Variants in GFRA1 observed in about 807,000 individuals in gnomAD.
GFRA1 encodes GDNF family receptor alpha-1.
GFRA1 carries 16 observed loss-of-function variants against 51.6 expected under a neutral mutation model. That is an observed-to-expected ratio of 0.31 (90% CI 0.21 to 0.47). GFRA1 has a LOEUF of 0.47. Ranked by LOEUF, GFRA1 falls within the 20% of genes least tolerant of loss-of-function variation. The pLI is 1.00. For synonymous variants in GFRA1, 270 were observed against 241.3 expected (o/e 1.12, Z -1.10); for missense variants, 530 against 594.3 (o/e 0.89, Z 1.13).
intron 4 of GFRA1, among the ~76,000 whole-genome samples, chr10:116,250,088 G>C (rs939328208): frequency 6.6e-6 from 1 of 152,204 alleles, no homozygotes; most frequent in Non-Finnish European, 1.5e-5. Flanking sequence ...CAGAACAAGA[G>C]AGATGTGTGT....
chr10:116,230,629 A>G (rs1203755240), intron 4 of GFRA1, among the ~76,000 whole-genome samples: 1 of 152,132 alleles, frequency 6.6e-6, no homozygotes, highest in African/African-American at 2.4e-5. Flanking sequence ...CTCTGAAAGT[A>G]TTTATTGAGC....
chr10:116,238,275 A>G (rs1177469028), intron 4 of GFRA1, among the ~76,000 whole-genome samples: 4 of 152,188 alleles, frequency 2.6e-5, no homozygotes, highest in Non-Finnish European at 5.9e-5. Flanking sequence ...GCCGCCTGCC[A>G]GGTAACCTCC....
chr10:116,143,332 A>AT (rs1958654332), intron 5 of GFRA1, among the ~76,000 whole-genome samples: 3 of 110,576 alleles, frequency 2.7e-5, no homozygotes, highest in Admixed American at 2.2e-4. Flanking sequence ...TTTTTTTTTA[A>AT]TTAAAAAAAA....
intron 5 of GFRA1, among the ~76,000 whole-genome samples, chr10:116,147,238 G>A (rs974295678): frequency 2.0e-5 from 3 of 152,140 alleles, no homozygotes; most frequent in Non-Finnish European, 4.4e-5. Context: ...CTTGTGTCCC[G>A]AAATCTCCTG....
chr10:116,076,145 C>CAT (rs747686525), intron 9 of GFRA1, among the ~76,000 whole-genome samples: 68 of 152,114 alleles, frequency 4.5e-4, no homozygotes, highest in Non-Finnish European at 5.1e-4. Context: ...CTGTCCACTA[C>CAT]ATAGTACTAA....
At chr10:116,186,854 C>T (rs914012978) in intron 5 of GFRA1, among the ~76,000 whole-genome samples, 2 of 152,158 alleles carry the variant, frequency 1.3e-5, no homozygotes, top group African/African-American at 4.8e-5. Context: ...ATTCATACCC[C>T]GGCCCTTGCG....
At chr10:116,110,385 C>T (rs1227416519) in intron 6 of GFRA1, among the ~76,000 whole-genome samples, 1 of 152,110 alleles carries the variant, frequency 6.6e-6, no homozygotes, top group South Asian at 2.1e-4. Flanking sequence ...AAGAAACACG[C>T]CTGCAGGGCA....
intron 4 of GFRA1, among the ~76,000 whole-genome samples, chr10:116,250,014 CTAAGT>C (rs1324010225): frequency 2.0e-5 from 3 of 152,052 alleles, no homozygotes; most frequent in Admixed American, 6.6e-5. Flanking sequence ...GAGGAGCCAG[CTAAGT>C]TAAGATCATA....
At position 116,089,772 on chromosome 10, in the gene GFRA1, G is replaced by A. The variant is rs148314953; in HGVS notation, c.1166C>T (p.Thr389Ile). Reference sequence around the variant, plus strand: ...ATTTGCACACGGTGGCAAAACATGAGTGGGAATTTCATTCTCAGACCCTGC... The same window carrying A: ...ATTTGCACACGGTGGCAAAACATGAATGGGAATTTCATTCTCAGACCCTGC... ...GPAGSENEIP[T>I]HVLPPCANLQ... Residue 389 changes from threonine (T) to isoleucine (I), a missense_variant, in exon 9 of 11, where the codon ACT (threonine) becomes ATT (isoleucine). Transcript: ENST00000355422. 51 of 1,614,060 alleles carry A rather than the reference G, an allele frequency of 3.2e-5. No individual in the cohort carries two copies. The highest frequency in any genetic ancestry group is 4.0e-5 in the Non-Finnish European group (47 of 1,180,026).
chr10:116,158,224 G>A (rs560849845), intron 5 of GFRA1, among the ~76,000 whole-genome samples: 19 of 152,320 alleles, frequency 1.2e-4, no homozygotes, highest in African/African-American at 4.6e-4. Flanking sequence ...TGGTTGGTAA[G>A]CTGCCCAGAA....
chr10:116,199,779 T>C (rs1380614363), intron 5 of GFRA1, among the ~76,000 whole-genome samples: 2 of 152,194 alleles, frequency 1.3e-5, no homozygotes, highest in African/African-American at 4.8e-5. Context: ...GTATATTCGC[T>C]GAGTTTTGAC....
rs1954727351 is a variant in GFRA1 at position 116,060,016 on chromosome 10, T to C, written c.*4382A>G. The C allele has an allele frequency of 6.6e-6, 1 of 152,126 alleles. No homozygotes were observed. The highest frequency in any genetic ancestry group is 6.5e-5 in the Admixed American group (1 of 15,278). The allele number at this position is 152,126 out of a possible 1,614,324, so 9.4% of individuals were successfully genotyped here. On this transcript the variant is annotated 3_prime_UTR_variant, in exon 11 of 11. Transcript: ENST00000355422. ...AGGTGGTGGAGGGAGGCCTGAATAATAACGATGAAAGAGAGCTGAATCAGC... is the reference window on the plus strand; with the variant it reads ...AGGTGGTGGAGGGAGGCCTGAATAACAACGATGAAAGAGAGCTGAATCAGC...
intron 5 of GFRA1, among the ~76,000 whole-genome samples, chr10:116,198,723 C>T (rs1414755533): frequency 1.3e-5 from 2 of 152,108 alleles, no homozygotes. Context: ...CTTTCTTGCC[C>T]CAGTCCTCCC....
At chr10:116,159,573 T>C (rs779530026) in intron 5 of GFRA1, among the ~76,000 whole-genome samples, 28 of 152,090 alleles carry the variant, frequency 1.8e-4, no homozygotes, top group Non-Finnish European at 3.7e-4. Flanking sequence ...CATTTCAAAG[T>C]GTAAGGTTCA....
chr10:116,236,354 G>A (rs1339399600), intron 4 of GFRA1, among the ~76,000 whole-genome samples: 2 of 152,094 alleles, frequency 1.3e-5, no homozygotes. Context: ...GGTGCCTGAG[G>A]TGGAAAATTT....
intron 5 of GFRA1, among the ~76,000 whole-genome samples, chr10:116,167,755 A>G (rs1240914775): frequency 1.3e-5 from 2 of 152,172 alleles, no homozygotes; most frequent in Non-Finnish European, 2.9e-5. Flanking sequence ...AGGAGATAGC[A>G]TTTTAATCAA....
In GFRA1 at chr10:116,064,251, A is replaced by C; in HGVS notation, c.*147T>G. On this transcript the variant is annotated 3_prime_UTR_variant, in exon 11 of 11. Transcript: ENST00000355422. ...CCAAAGGATCACAAGAAGCTTTCTT[A>C]AAAGGAAAAAAAAAAAATGTTCCAG... is the stretch of plus-strand genomic sequence containing the variant. The C allele has an allele frequency of 1.4e-6, 1 of 715,530 alleles. No homozygotes were observed. Among genetic ancestry groups the C allele is most frequent in the Non-Finnish European group, 2.3e-6 (1 of 426,736 alleles). 44.3% of individuals were successfully genotyped at this position (715,530 alleles called of 1,614,324 possible).
At chr10:116,271,520 G>A (rs927771109) in intron 2 of GFRA1, among the ~76,000 whole-genome samples, 1 of 152,122 alleles carries the variant, frequency 6.6e-6, no homozygotes, top group African/African-American at 2.4e-5. Flanking sequence ...AAGTGCGGCG[G>A]CGGACTGGGC....
At chr10:116,149,798 A>T (rs1219129330) in intron 5 of GFRA1, among the ~76,000 whole-genome samples, 1 of 152,162 alleles carries the variant, frequency 6.6e-6, no homozygotes, top group African/African-American at 2.4e-5. Context: ...GTAGGATATG[A>T]GTGTGGCTTC....
Sources: gnomAD v4.1 joint callset for allele counts (sites outside exome capture counted in the v4.1 genomes callset) on GRCh38, gnomAD v4.1.1 for gene constraint, MANE v1.5 for transcripts, NCBI Gene and HGNC (gene_info 2026-07-23, HGNC 2026-07-21) for gene names.